The following KCNH7 variants were observed in gnomAD, a reference collection of about 807,000 sequenced individuals.
The protein encoded by KCNH7 is voltage-gated inwardly rectifying potassium channel KCNH7.
KCNH7 carries 49 observed loss-of-function variants against 120.8 expected under a neutral mutation model. That is an observed-to-expected ratio of 0.41 (90% CI 0.32 to 0.51). KCNH7 has a LOEUF of 0.51. Ranked by LOEUF, KCNH7 falls within the 20% of genes least tolerant of loss-of-function variation. The pLI is 0.38. For missense variants in KCNH7, 1,097 were observed against 1,446.6 expected (o/e 0.76, Z 3.92); for synonymous variants, 547 against 516.1 (o/e 1.06, Z -0.81).
intron 2 of KCNH7, among the ~76,000 whole-genome samples, chr2:162,816,357 T>C (rs531705524): frequency 2.4e-4 from 37 of 152,178 alleles, no homozygotes; most frequent in African/African-American, 7.9e-4. Flanking sequence ...ATGTGTTTTG[T>C]TTTAGTTTGA....
chr2:162,523,222 A>G (rs1172946332), intron 3 of KCNH7, among the ~76,000 whole-genome samples: 2 of 151,806 alleles, frequency 1.3e-5, no homozygotes, highest in Non-Finnish European at 2.9e-5. Context: ...TCTCTTTGAA[A>G]TAAATATAGA....
At chr2:162,700,428 C>T (rs1686454864) in intron 2 of KCNH7, among the ~76,000 whole-genome samples, 1 of 152,108 alleles carries the variant, frequency 6.6e-6, no homozygotes. Context: ...GCTTTCCTTT[C>T]AGTGGGAAAG....
chr2:162,763,905 A>C (rs1279601347), intron 2 of KCNH7, among the ~76,000 whole-genome samples: 1 of 152,028 alleles, frequency 6.6e-6, no homozygotes, highest in African/African-American at 2.4e-5. Context: ...CAATGTGACA[A>C]ATACCATAAC....
At chr2:162,520,009 C>T (rs1427381041) in intron 3 of KCNH7, among the ~76,000 whole-genome samples, 1 of 151,596 alleles carries the variant, frequency 6.6e-6, no homozygotes, top group South Asian at 2.1e-4. Flanking sequence ...CCAATGACTC[C>T]TAAATATTTA....
rs781089376 is a variant in KCNH7 at position 162,643,804 on chromosome 2, CAAAAA to C, written c.308-106729_308-106725del. ...CTGGTGACAGAGCAAGACTCTATCT[CAAAAA>C]AAAAAAAAAAAAAAAAAAAGAAGAA... On this transcript the variant is annotated intron_variant, in intron 2 of 15. Transcript: ENST00000332142. 3.5e-3 allele frequency among the ~76,000 whole-genome samples: 317 copies of C among 90,382 alleles called. 1 individual carries two copies. The highest frequency in any genetic ancestry group is 0.013 in the African/African-American group (277 of 21,086). The allele number at this position is 90,382 out of a possible 152,430, so 59.3% of individuals were successfully genotyped here. A position where few individuals can be genotyped will look rare whatever the true frequency, so the allele number is the denominator to read the frequency against.
At chr2:162,502,044 G>A (rs962758302) in intron 6 of KCNH7, 1 of 152,022 alleles carries the variant, frequency 6.6e-6, no homozygotes, top group Non-Finnish European at 1.5e-5. Context: ...AGGTAGAAAA[G>A]TGTTATTTTG....
chr2:162,407,348 C>T (rs1015972589), intron 9 of KCNH7, among the ~76,000 whole-genome samples: 1 of 151,960 alleles, frequency 6.6e-6, no homozygotes, highest in Non-Finnish European at 1.5e-5. Context: ...CAGAATTATC[C>T]TTCCTACTTC....
intron 2 of KCNH7, among the ~76,000 whole-genome samples, chr2:162,539,207 T>TCA (rs1316753934): frequency 3.2e-4 from 48 of 152,092 alleles, no homozygotes; most frequent in Non-Finnish European, 5.9e-5. Context: ...AGGCCAGGCA[T>TCA]CACAGCACAC....
intron 6 of KCNH7, among the ~76,000 whole-genome samples, chr2:162,483,613 G>C (rs564624881): frequency 6.6e-5 from 10 of 151,756 alleles, no homozygotes; most frequent in Middle Eastern, 6.8e-3. Context: ...GAACCTGTTG[G>C]CACAAAAGTA....
intron 2 of KCNH7, among the ~76,000 whole-genome samples, chr2:162,537,433 A>C (rs1177504885): frequency 6.6e-6 from 1 of 152,060 alleles, no homozygotes; most frequent in Non-Finnish European, 1.5e-5. Context: ...AATTTTGATT[A>C]AATCTGAATC....
chr2:162,596,824 C>G (rs12467039), intron 2 of KCNH7, among the ~76,000 whole-genome samples: 6,589 of 151,946 alleles, frequency 0.043, 285 homozygotes, highest in East Asian at 0.11. Flanking sequence ...GGGTTAGTAT[C>G]CAAAATATAC....
At chr2:162,524,485 A>C (rs1368302657) in intron 3 of KCNH7, among the ~76,000 whole-genome samples, 1 of 152,042 alleles carries the variant, frequency 6.6e-6, no homozygotes, top group Non-Finnish European at 1.5e-5. Flanking sequence ...TGTCCAGTAC[A>C]GAGAGAGAAA....
At chr2:162,432,477 G>A (rs1688101970) in intron 8 of KCNH7, among the ~76,000 whole-genome samples, 1 of 151,942 alleles carries the variant, frequency 6.6e-6, no homozygotes, top group Non-Finnish European at 1.5e-5. Context: ...TTCATTAATA[G>A]GGATTTATCT....
At chr2:162,583,635 C>A (rs1217848627) in intron 2 of KCNH7, among the ~76,000 whole-genome samples, 1 of 151,986 alleles carries the variant, frequency 6.6e-6, no homozygotes, top group Admixed American at 6.6e-5. Flanking sequence ...AGACAAAATT[C>A]AGAATTAATT....
intron 2 of KCNH7, among the ~76,000 whole-genome samples, chr2:162,544,965 A>G (rs960844461): frequency 1.3e-5 from 2 of 152,186 alleles, no homozygotes; most frequent in African/African-American, 4.8e-5. Context: ...ACAATTATTA[A>G]CAACCATATA....
chr2:162,566,534 T>C (rs1693262922), intron 2 of KCNH7, among the ~76,000 whole-genome samples: 1 of 152,002 alleles, frequency 6.6e-6, no homozygotes, highest in South Asian at 2.1e-4. Context: ...GAGGGAAAAA[T>C]AAAAGATAGT....
At chr2:162,577,394 T>TATCTATCC (rs1479043426) in intron 2 of KCNH7, among the ~76,000 whole-genome samples, 3 of 147,502 alleles carry the variant, frequency 2.0e-5, no homozygotes, top group East Asian at 2.0e-4. Flanking sequence ...TCTATCTATC[T>TATCTATCC]ATCCATCTAT....
In KCNH7 at chr2:162,709,114, T is replaced by C. The variant is rs146372332; in HGVS notation, c.307+127423A>G. 9.3e-3 allele frequency among the ~76,000 whole-genome samples: 1,421 copies of C among 152,206 alleles called. 18 individuals carry two copies. Among genetic ancestry groups the C allele is most frequent in the Non-Finnish European group, 0.014 (940 of 67,966 alleles). ...CCCTAAGTTTCCAAATATGCTTTAATTTTATCATCTGCAAAATAGAGACGG... is the reference window on the plus strand; with the variant it reads ...CCCTAAGTTTCCAAATATGCTTTAACTTTATCATCTGCAAAATAGAGACGG... On this transcript the variant is annotated intron_variant, in intron 2 of 15. Transcript: ENST00000332142.
At chr2:162,641,319 C>G (rs919535640) in intron 2 of KCNH7, among the ~76,000 whole-genome samples, 7 of 152,094 alleles carry the variant, frequency 4.6e-5, no homozygotes, top group African/African-American at 1.7e-4. Context: ...GAATACTACT[C>G]AACAATAAAA....
Sources: allele counts gnomAD v4.1 joint callset (sites outside exome capture counted in the v4.1 genomes callset), GRCh38; gene constraint gnomAD v4.1.1; transcripts MANE v1.5; gene names NCBI Gene and HGNC (gene_info 2026-07-23, HGNC 2026-07-21).